The following EDDM3A variants were observed in gnomAD, a reference collection of about 807,000 sequenced individuals.
The protein encoded by EDDM3A is epididymal protein 3A.
For synonymous variants in EDDM3A, 75 were observed against 60.4 expected (o/e 1.24, Z -1.12); for missense variants, 199 against 177.4 (o/e 1.12, Z -0.69).
At chr14:20,746,582 C>T (rs1413797002) in intron 1 of EDDM3A, among the ~76,000 whole-genome samples, 3 of 152,120 alleles carry the variant, frequency 2.0e-5, no homozygotes, top group African/African-American at 7.2e-5. Context: ...AAACTGATGT[C>T]CTTTTATGAT....
upstream of EDDM3A, among the ~76,000 whole-genome samples, chr14:20,743,538 A>C (rs1195432272): frequency 6.9e-5 from 10 of 144,352 alleles, no homozygotes. Flanking sequence ...CTCCATTCCA[A>C]AAATAATAAT....
the EDDM3A span, among the ~76,000 whole-genome samples, chr14:20,740,322 C>T: frequency 2.0e-5 from 3 of 152,240 alleles, no homozygotes; most frequent in Non-Finnish European, 4.4e-5. Context: ...TCGATACTCT[C>T]TTGCTGCTGT....
At chr14:20,742,763 T>A (rs1382171872), upstream of EDDM3A, among the ~76,000 whole-genome samples, 2 of 151,982 alleles carry the variant, frequency 1.3e-5, no homozygotes, top group Non-Finnish European at 2.9e-5. Flanking sequence ...TAAAAATTTT[T>A]CTTTTTTTTT....
chr14:20,743,789 G>T (rs1877506264), upstream of EDDM3A, among the ~76,000 whole-genome samples: 1 of 152,190 alleles, frequency 6.6e-6, no homozygotes, highest in African/African-American at 2.4e-5. Context: ...TTCCTGGGCT[G>T]CATTCATAGT....
chr14:20,740,094 A>G, the EDDM3A span, among the ~76,000 whole-genome samples: 1 of 152,054 alleles, frequency 6.6e-6, no homozygotes, highest in East Asian at 1.9e-4. Flanking sequence ...CGCTGTCCAG[A>G]CCCCTCACAA....
At chr14:20,746,891 G>A (rs1394914632) in intron 1 of EDDM3A, among the ~76,000 whole-genome samples, 1 of 152,038 alleles carries the variant, frequency 6.6e-6, no homozygotes, top group Non-Finnish European at 1.5e-5. Flanking sequence ...CAGACAATAC[G>A]CTTAAAATGT....
chr14:20,737,792 C>A, the EDDM3A span, among the ~76,000 whole-genome samples: 1 of 152,130 alleles, frequency 6.6e-6, no homozygotes, highest in Non-Finnish European at 1.5e-5. Context: ...GGTTCACAGG[C>A]AAGTAGGAAC....
At chr14:20,745,109 C>G (rs1877542114), upstream of EDDM3A, among the ~76,000 whole-genome samples, 1 of 152,020 alleles carries the variant, frequency 6.6e-6, no homozygotes, top group African/African-American at 2.4e-5. Context: ...GCCTATAGTC[C>G]CAGCTACTCA....
the EDDM3A span, among the ~76,000 whole-genome samples, chr14:20,739,985 C>T: frequency 1.3e-5 from 2 of 152,124 alleles, no homozygotes; most frequent in Non-Finnish European, 2.9e-5. Flanking sequence ...CTGAAGACCC[C>T]CACCATGCAA....
chr14:20,747,605 G>C lies in EDDM3A; in HGVS notation c.25G>C (p.Gly9Arg). MTSSLKIW[G>R]ILLALLCILC... Reference sequence around the variant, plus strand: ...GATGACATCCTCTCTAAAGATTTGGGGCATACTCTTGGCCCTGCTTTGCAT... The same window carrying C: ...GATGACATCCTCTCTAAAGATTTGGCGCATACTCTTGGCCCTGCTTTGCAT... Residue 9 changes from glycine to arginine, a missense_variant, in exon 2 of 2, where the codon GGC (glycine) becomes CGC (arginine). By Grantham distance (125) the Gly-to-Arg change is moderately radical. Coordinates refer to ENST00000326842, the MANE Select transcript of EDDM3A (RefSeq NM_006683.5). 1 of 1,609,866 alleles carries C rather than the reference G, an allele frequency of 6.2e-7. No homozygotes were observed. The highest frequency in any genetic ancestry group is 8.5e-7 in the Non-Finnish European group (1 of 1,177,636).
At chr14:20,742,193 A>AGGT (rs1408104057), upstream of EDDM3A, among the ~76,000 whole-genome samples, 3 of 152,188 alleles carry the variant, frequency 2.0e-5, no homozygotes. Context: ...TTCCTACAAG[A>AGGT]GGTGGGTACT....
upstream of EDDM3A, among the ~76,000 whole-genome samples, chr14:20,745,475 G>C (rs1352508769): frequency 2.7e-5 from 4 of 150,238 alleles, no homozygotes; most frequent in African/African-American, 9.8e-5. Flanking sequence ...GCAGTGAGCC[G>C]AGATCTCGCC....
Position 20,748,007 on chromosome 14 carries a change from G to T in EDDM3A, c.427G>T (p.Glu143Ter). 1 of 1,600,148 alleles carries T rather than the reference G, an allele frequency of 6.2e-7. No homozygotes were observed. The highest frequency in any genetic ancestry group is 1.1e-5 in the South Asian group (1 of 88,902). ...VDNIEDLRII[E>*]PISN ...TAACATAGAAGACCTGAGGATTATAGAACCTATCAGCAACTAGAAAGTCTA... is the reference window on the plus strand; with the variant it reads ...TAACATAGAAGACCTGAGGATTATATAACCTATCAGCAACTAGAAAGTCTA... Residue 143 changes from glutamate (E) to a stop codon, truncating the protein, a stop_gained, in exon 2 of 2, where the codon GAA (glutamate) becomes TAA (stop). Transcript: ENST00000326842. LOFTEE classifies it high-confidence loss of function.
At chr14:20,741,536 C>T (rs572394624), upstream of EDDM3A, among the ~76,000 whole-genome samples, 6 of 152,262 alleles carry the variant, frequency 3.9e-5, no homozygotes, top group East Asian at 3.9e-4. Context: ...TAAGTTAGGA[C>T]CCCCTGGGAC....
intron 1 of EDDM3A, among the ~76,000 whole-genome samples, chr14:20,747,102 CT>C (rs71112518): frequency 0.22 from 27,055 of 121,900 alleles, 2,589 homozygotes; most frequent in East Asian, 0.41. Flanking sequence ...AAACTGTATT[CT>C]TTTTTTTTTT....
chr14:20,742,817 C>G (rs933448558), upstream of EDDM3A, among the ~76,000 whole-genome samples: 1 of 150,686 alleles, frequency 6.6e-6, no homozygotes, highest in Non-Finnish European at 1.5e-5. Context: ...GGCTGGTTTT[C>G]AACTCCTGGC....
At chr14:20,742,705 G>A (rs186108267), upstream of EDDM3A, among the ~76,000 whole-genome samples, 294 of 151,928 alleles carry the variant, frequency 1.9e-3, 1 homozygote, top group Middle Eastern at 6.8e-3. Context: ...TCCTGCCTCC[G>A]TTTCCCAAGT....
chr14:20,741,915 G>C (rs889951359), upstream of EDDM3A, among the ~76,000 whole-genome samples: 2 of 152,164 alleles, frequency 1.3e-5, no homozygotes, highest in Admixed American at 1.3e-4. Context: ...CTATGAAAGT[G>C]AAGGCAGTTT....
chr14:20,743,440 C>T (rs935726606), upstream of EDDM3A, among the ~76,000 whole-genome samples: 5 of 152,078 alleles, frequency 3.3e-5, no homozygotes, highest in Non-Finnish European at 7.4e-5. Context: ...CTCCCAGCTA[C>T]GCAGAAGGCT....
Sources: allele counts gnomAD v4.1 joint callset (sites outside exome capture counted in the v4.1 genomes callset), GRCh38; gene constraint gnomAD v4.1.1; transcripts MANE v1.5; gene names NCBI Gene and HGNC (gene_info 2026-07-23, HGNC 2026-07-21).